The following MME variants were observed in gnomAD, a reference collection of about 807,000 sequenced individuals.
The protein encoded by MME is neprilysin.
Under a neutral mutation model 113.2 loss-of-function variants are expected in MME, and 98 were observed. That is an observed-to-expected ratio of 0.87 (90% CI 0.74 to 1.02). The LOEUF (loss-of-function observed/expected upper bound fraction) is 1.02. MME is among the 50% of genes least tolerant of loss of function. The probability of loss-of-function intolerance (pLI) is 0.00; values close to 1 mark genes in which losing one functional copy is unlikely to be tolerated. For synonymous variants in MME, 292 were observed against 300.6 expected, an observed-to-expected ratio of 0.97 and a Z score of 0.30; for missense variants, 836 against 896.0, an observed-to-expected ratio of 0.93 and a Z score of 0.86.
rs755926711 is a variant in MME, at chr3:155,049,265, G to A, written c.-11+24941G>A. On this transcript the variant is annotated intron_variant, in intron 1 of 22. Transcript: ENST00000492661. ...TTGAGATAAGATTATGCCGGATTAGGATGCACCCCATGTCCCAAGAGAGTA... is the reference window on the plus strand; with the variant it reads ...TTGAGATAAGATTATGCCGGATTAGAATGCACCCCATGTCCCAAGAGAGTA... Among the ~76,000 whole-genome samples the A allele has an allele frequency of 2.6e-5, 4 of 152,180 alleles. No individual in the cohort carries two copies. The East Asian group carries it at 7.7e-4, about 29-fold the overall frequency.
At chr3:155,128,593 G>GC (rs951554257) in intron 8 of MME, among the ~76,000 whole-genome samples, 1 of 149,772 alleles carries the variant, frequency 6.7e-6, no homozygotes, top group African/African-American at 2.5e-5. Context: ...CCTAGAACTT[G>GC]CCCCCCACAC....
At position 155,138,279 on chromosome 3, in the gene MME, C is replaced by T. The variant is rs199648614; in HGVS notation, c.855+43C>T. 3,418 of 1,595,834 alleles carry T rather than the reference C, an allele frequency of 2.1e-3. 29 individuals are homozygous for T. Among genetic ancestry groups the T allele is most frequent in the Middle Eastern group, 0.01 (61 of 6,008 alleles). On this transcript the variant is annotated intron_variant, in intron 9 of 22. Transcript: ENST00000360490. ...TTCTGATACACTGAATAATGTCAAC[C>T]GCTTTTTTTCTTTCCCCTCTCTATC... is the stretch of plus-strand genomic sequence containing the variant.
rs201548174 is a variant in MME, at chr3:155,168,693, C to A, written c.1915-39C>A. 9 of 1,611,712 alleles carry A rather than the reference C, an allele frequency of 5.6e-6. No individual in the cohort carries two copies. In the East Asian group the frequency reaches 2.0e-4, roughly 36 times the overall value. On this transcript the variant is annotated intron_variant, in intron 19 of 22. Coordinates refer to ENST00000360490, the MANE Select transcript of MME (RefSeq NM_007289.4). ...ATCTTAAGTGTATTATTGGTGGTTT[C>A]TTTTTTTAACAATCCTAATAAAGTG...
Position 155,183,241 on chromosome 3 carries a change from C to T in MME, c.*2782C>T, listed in dbSNP as rs1429577536. 2 of 152,112 alleles carry T rather than the reference C, an allele frequency of 1.3e-5. 1 individual carries two copies. Among genetic ancestry groups the T allele is most frequent in the Admixed American group, 1.3e-4 (2 of 15,248 alleles). 9.4% of individuals were successfully genotyped at this position (152,112 alleles called of 1,614,324 possible). On this transcript the variant is annotated 3_prime_UTR_variant, in exon 23 of 23. Transcript: ENST00000360490. Reference sequence around the variant, plus strand: ...TATTCTGCCACTCCTGACAGGGTGACCTTGGGTATTTGCAATATTCCTTTG... The same window carrying T: ...TATTCTGCCACTCCTGACAGGGTGATCTTGGGTATTTGCAATATTCCTTTG...
intron 17 of MME, among the ~76,000 whole-genome samples, chr3:155,162,682 G>C (rs1722802249): frequency 6.6e-6 from 1 of 151,952 alleles, no homozygotes; most frequent in South Asian, 2.1e-4. Context: ...ACTAAAAATA[G>C]TTGAAGAGTC....
rs753313789 is a variant in MME at position 155,180,427 on chromosome 3, A to T, written c.2221A>T (p.Met741Leu). The change falls in exon 23 of 23, where the codon ATG becomes TTG. Residue 741 changes from methionine (M) to leucine (L), a missense_variant. Transcript: ENST00000360490. ...CTTTCACTGCCGCAAGAATTCATAC[A>T]TGAATCCAGAAAAGAAGTGCCGGGT... Reference protein sequence around the residue: ...EAFHCRKNSYMNPEKKCRVW With the variant: ...EAFHCRKNSYLNPEKKCRVW 6.8e-6 allele frequency: 11 copies of T among 1,613,478 alleles called. No individual in the cohort carries two copies. The Admixed American group carries it at 1.7e-4, about 24-fold the overall frequency.
rs758782667 is a variant in MME at position 155,148,583 on chromosome 3, A to G, written c.1531A>G (p.Ile511Val). The change falls in exon 16 of 23, where the codon ATA becomes GTA. Residue 511 changes from isoleucine (I) to valine (V), a missense_variant. Transcript: ENST00000360490. ...NYKEDEYFENIIQNLKFSQSK... is the reference protein window; with the variant it reads ...NYKEDEYFENVIQNLKFSQSK... ...CAAAGAAGATGAATACTTCGAGAACATAATTCAAAATTTGAAATTCAGCCA... is the reference window on the plus strand; with the variant it reads ...CAAAGAAGATGAATACTTCGAGAACGTAATTCAAAATTTGAAATTCAGCCA... The G allele has an allele frequency of 6.2e-7, 1 of 1,612,094 alleles. No homozygotes were observed. Among genetic ancestry groups the G allele is most frequent in the South Asian group, 1.1e-5 (1 of 91,016 alleles).
intron 9 of MME, among the ~76,000 whole-genome samples, chr3:155,139,931 G>A (rs1017485796): frequency 6.6e-6 from 1 of 152,090 alleles, no homozygotes; most frequent in Non-Finnish European, 1.5e-5. Context: ...TATATGGCTT[G>A]GCAGTTGTCA....
At chr3:155,079,120 A>T (rs1359358775), upstream of MME, among the ~76,000 whole-genome samples, 2 of 152,108 alleles carry the variant, frequency 1.3e-5, no homozygotes, top group East Asian at 3.9e-4. Flanking sequence ...CGACCAAGGA[A>T]AAGAAAGGGA....
chr3:155,164,999 G>A (rs1722987352), intron 17 of MME, among the ~76,000 whole-genome samples: 1 of 152,086 alleles, frequency 6.6e-6, no homozygotes, highest in South Asian at 2.1e-4. Context: ...CCACCTGAAA[G>A]ACAAAGAAAT....
intron 1 of MME, among the ~76,000 whole-genome samples, chr3:155,063,570 T>C (rs1366889742): frequency 3.8e-5 from 3 of 79,780 alleles, no homozygotes; most frequent in Admixed American, 4.0e-4. Flanking sequence ...AAATATAATA[T>C]ATTTTATTAA....
At chr3:155,045,401 G>A (rs1392444695) in intron 1 of MME, among the ~76,000 whole-genome samples, 1 of 151,962 alleles carries the variant, frequency 6.6e-6, no homozygotes, top group African/African-American at 2.4e-5. Flanking sequence ...GCCCACCTCA[G>A]CCTCCCAAAG....
At chr3:155,049,424 G>A (rs1246142452) in intron 1 of MME, among the ~76,000 whole-genome samples, 2 of 152,114 alleles carry the variant, frequency 1.3e-5, no homozygotes, top group East Asian at 3.9e-4. Flanking sequence ...CCAGAGGCTA[G>A]GAGAGAGGTA....
At chr3:155,054,797 A>G (rs1713872903) in intron 1 of MME, among the ~76,000 whole-genome samples, 1 of 152,238 alleles carries the variant, frequency 6.6e-6, no homozygotes, top group Non-Finnish European at 1.5e-5. Context: ...TGCCTGGGCA[A>G]CAAGAGTGAA....
chr3:155,129,775 A>G (rs977151718), intron 8 of MME, among the ~76,000 whole-genome samples: 2 of 152,214 alleles, frequency 1.3e-5, no homozygotes, highest in Non-Finnish European at 2.9e-5. Flanking sequence ...ATTCAAGACA[A>G]TTCTATTCCT....
At chr3:155,044,125 C>CTTTTTTTTTTTT (rs5853709) in intron 1 of MME, among the ~76,000 whole-genome samples, 2 of 89,226 alleles carry the variant, frequency 2.2e-5, no homozygotes, top group African/African-American at 8.3e-5. Context: ...CTTCCTTTTT[C>CTTTTTTTTTTTT]TTTTTTTTTT....
intron 1 of MME, among the ~76,000 whole-genome samples, chr3:155,027,505 C>G (rs2108111098): frequency 6.6e-6 from 1 of 152,360 alleles, no homozygotes; most frequent in South Asian, 2.1e-4. Context: ...TCAGCACATA[C>G]AGAGTGCCAG....
chr3:155,084,786 C>T (rs1183913788), intron 2 of MME, among the ~76,000 whole-genome samples: 2 of 152,150 alleles, frequency 1.3e-5, no homozygotes, highest in African/African-American at 4.8e-5. Flanking sequence ...GCAAAAACAA[C>T]TGATTATTTC....
At chr3:155,109,894 C>T (rs1053186170) in intron 3 of MME, among the ~76,000 whole-genome samples, 2 of 152,218 alleles carry the variant, frequency 1.3e-5, no homozygotes, top group African/African-American at 4.8e-5. Context: ...TGCTACATGG[C>T]CACTTCAAAA....
Sources: allele counts gnomAD v4.1 joint callset (sites outside exome capture counted in the v4.1 genomes callset), GRCh38; gene constraint gnomAD v4.1.1; transcripts MANE v1.5; gene names NCBI Gene and HGNC (gene_info 2026-07-23, HGNC 2026-07-21).